The following CDH12 variants were observed in gnomAD, a reference collection of about 807,000 sequenced individuals.
CDH12 encodes the protein cadherin-12.
In CDH12, 41 loss-of-function variants were observed where a neutral mutation model predicts 74.1. The ratio of observed to expected loss-of-function variants is 0.55; its 90% CI spans 0.43 to 0.72. The LOEUF is 0.72. Ranked by LOEUF, CDH12 falls within the 30% of genes least tolerant of loss-of-function variation. The pLI is 0.00. For missense variants in CDH12, 945 were observed against 977.2 expected (o/e 0.97, Z 0.44); for synonymous variants, 399 against 355.0 (o/e 1.12, Z -1.39).
chr5:22,200,231 CTGAT>C (rs1750850400), intron 4 of CDH12, among the ~76,000 whole-genome samples: 2 of 152,090 alleles, frequency 1.3e-5, no homozygotes, highest in Admixed American at 1.3e-4. Flanking sequence ...TTTTTGACTA[CTGAT>C]TATCAAGTAC....
At chr5:21,944,329 C>T (rs1223591163) in intron 6 of CDH12, among the ~76,000 whole-genome samples, 1 of 151,944 alleles carries the variant, frequency 6.6e-6, no homozygotes, top group Non-Finnish European at 1.5e-5. Context: ...ACTGAAAAAC[C>T]ATAGTCAATC....
chr5:22,499,406 G>C (rs981331497), intron 2 of CDH12, among the ~76,000 whole-genome samples: 1 of 152,158 alleles, frequency 6.6e-6, no homozygotes, highest in Non-Finnish European at 1.5e-5. Context: ...TGGCAGAAAA[G>C]TCTAGCTGGG....
intron 5 of CDH12, among the ~76,000 whole-genome samples, chr5:22,045,294 G>A (rs571148976): frequency 8.5e-5 from 13 of 152,256 alleles, no homozygotes; most frequent in African/African-American, 3.1e-4. Context: ...TAGATAACAA[G>A]TGTTGGTGAG....
chr5:22,017,784 A>G (rs1196077646), intron 5 of CDH12, among the ~76,000 whole-genome samples: 1 of 147,938 alleles, frequency 6.8e-6, no homozygotes, highest in Non-Finnish European at 1.5e-5. Context: ...TTTTTGAGAC[A>G]GTTTTGCTCT....
chr5:22,240,011 G>A (rs1320569579), intron 3 of CDH12, among the ~76,000 whole-genome samples: 1 of 152,014 alleles, frequency 6.6e-6, no homozygotes, highest in East Asian at 1.9e-4. Context: ...ATAAAATATT[G>A]TAGCATGTGC....
chr5:22,403,726 C>A (rs1274983667), intron 3 of CDH12, among the ~76,000 whole-genome samples: 4 of 152,094 alleles, frequency 2.6e-5, no homozygotes, highest in Non-Finnish European at 5.9e-5. Context: ...CCATTTTCAG[C>A]TTTATGAGGT....
At chr5:22,275,559 T>C (rs1431221032) in intron 3 of CDH12, among the ~76,000 whole-genome samples, 1 of 152,038 alleles carries the variant, frequency 6.6e-6, no homozygotes, top group Non-Finnish European at 1.5e-5. Flanking sequence ...AATATTGGGG[T>C]CTATATTAGA....
intron 3 of CDH12, among the ~76,000 whole-genome samples, chr5:22,251,481 T>C (rs1431620144): frequency 1.3e-5 from 2 of 152,198 alleles, no homozygotes; most frequent in Admixed American, 6.5e-5. Flanking sequence ...TTTTCTTATC[T>C]CTTATCTCTT....
chr5:22,038,532 A>G (rs148004993), intron 5 of CDH12, among the ~76,000 whole-genome samples: 1 of 151,890 alleles, frequency 6.6e-6, no homozygotes, highest in African/African-American at 2.4e-5. Flanking sequence ...ACTTTTCTCA[A>G]TCCTTGCTGT....
At chr5:22,529,329 T>C (rs917312518) in intron 1 of CDH12, among the ~76,000 whole-genome samples, 11 of 151,646 alleles carry the variant, frequency 7.3e-5, no homozygotes, top group Non-Finnish European at 1.6e-4. Flanking sequence ...GAAGAGCCAA[T>C]GGTGGAGTTC....
At chr5:22,789,435 G>A (rs925903628) in intron 1 of CDH12, among the ~76,000 whole-genome samples, 4 of 151,972 alleles carry the variant, frequency 2.6e-5, no homozygotes, top group Admixed American at 6.6e-5. Flanking sequence ...ATCATGTTCA[G>A]CGTTTAAAAA....
At chr5:21,817,247 T>C (rs1455150785) in intron 8 of CDH12, 115 bp from the exon 9 acceptor site, 7 of 642,180 alleles carry the variant, frequency 1.1e-5, no homozygotes, top group Non-Finnish European at 7.5e-6. Flanking sequence ...AACATTATAG[T>C]GCAAATTGAA....
intron 1 of CDH12, among the ~76,000 whole-genome samples, chr5:22,513,979 C>T (rs1245379388): frequency 8.1e-4 from 118 of 146,106 alleles, no homozygotes; most frequent in Non-Finnish European, 9.0e-5. Context: ...ATGCACAACA[C>T]ATTACGAAAA....
At chr5:22,339,442 A>G (rs1739748038) in intron 3 of CDH12, among the ~76,000 whole-genome samples, 1 of 152,174 alleles carries the variant, frequency 6.6e-6, no homozygotes, top group East Asian at 1.9e-4. Flanking sequence ...TGTTAGCTAT[A>G]CTTATAAATA....
At chr5:22,535,599 T>C (rs1394203518) in intron 1 of CDH12, among the ~76,000 whole-genome samples, 2 of 152,228 alleles carry the variant, frequency 1.3e-5, no homozygotes, top group African/African-American at 4.8e-5. Flanking sequence ...TTTGAAAGAA[T>C]TTGATTTAAA....
chr5:22,703,387 C>A (rs1053137818), intron 1 of CDH12, among the ~76,000 whole-genome samples: 1 of 152,086 alleles, frequency 6.6e-6, no homozygotes, highest in African/African-American at 2.4e-5. Context: ...GCACTAACAT[C>A]CTACACCATC....
In CDH12 at chr5:22,685,986, G is replaced by A. The variant is rs746502088; in HGVS notation, c.-523+167072C>T. On this transcript the variant is annotated intron_variant, in intron 1 of 14. Coordinates refer to ENST00000382254, the MANE Select transcript of CDH12 (RefSeq NM_004061.5). ...GAACCGCTAAACTACTTTCCAAAGC[G>A]GCAAGGTTATATTACATTTTCATAA... Among the ~76,000 whole-genome samples the A allele has an allele frequency of 2.7e-4, 41 of 152,090 alleles. 1 individual carries two copies. The highest frequency in any genetic ancestry group is 3.2e-3 in the Middle Eastern group (1 of 316).
chr5:22,523,985 T>A (rs926443506), intron 1 of CDH12, among the ~76,000 whole-genome samples: 455 of 148,138 alleles, frequency 3.1e-3, no homozygotes, highest in African/African-American at 6.7e-3. Context: ...ATTATTATTT[T>A]TTTTTTTTTT....
Position 21,891,572 on chromosome 5 carries a change from TACAC to T in CDH12, c.527-36786_527-36783del, listed in dbSNP as rs66657734. 2.9e-3 allele frequency among the ~76,000 whole-genome samples: 420 copies of T among 145,054 alleles called. 3 individuals are homozygous for T. The highest frequency in any genetic ancestry group is 9.8e-3 in the African/African-American group (391 of 39,984). Reference sequence around the variant, plus strand: ...TCTTTCCTGTGAATACACACACACATACACACACACACACACACACACACACACA... The same window carrying T: ...TCTTTCCTGTGAATACACACACACATACACACACACACACACACACACACA... On this transcript the variant is annotated intron_variant, in intron 6 of 14. Coordinates refer to ENST00000382254, the MANE Select transcript of CDH12 (RefSeq NM_004061.5).
Sources: gnomAD v4.1 joint callset for allele counts (sites outside exome capture counted in the v4.1 genomes callset) on GRCh38, gnomAD v4.1.1 for gene constraint, MANE v1.5 for transcripts, NCBI Gene and HGNC (gene_info 2026-07-23, HGNC 2026-07-21) for gene names.